VWA8: variants seen among roughly 807,000 people sequenced by gnomAD.
VWA8 encodes the protein von Willebrand factor A domain containing 8, also known as von Willebrand factor A domain-containing protein 8.
In VWA8, 221 loss-of-function variants were observed where a neutral mutation model predicts 241.5. That is an observed-to-expected ratio of 0.91 (90% CI 0.82 to 1.02). The LOEUF (loss-of-function observed/expected upper bound fraction) is 1.02. VWA8 is among the 50% of genes least tolerant of loss of function. The pLI is 0.00. For synonymous variants in VWA8, 852 were observed against 827.1 expected (o/e 1.03, Z -0.52); for missense variants, 2,322 against 2,328.7 (o/e 1.00, Z 0.06).
At chr13:41,891,682 G>A in intron 4 of VWA8, 95 bp from the exon 5 acceptor site, 2 of 1,311,854 alleles carry the variant, frequency 1.5e-6, no homozygotes, top group South Asian at 1.4e-5. Flanking sequence ...TGCAGTTCTT[G>A]TTATAGGGAC....
chr13:41,690,650 C>T (rs947539644), intron 32 of VWA8, among the ~76,000 whole-genome samples: 1 of 151,952 alleles, frequency 6.6e-6, no homozygotes, highest in African/African-American at 2.4e-5. Flanking sequence ...AGATAGATGC[C>T]CTCACAACTG....
At chr13:41,923,224 G>A (rs188674566) in intron 2 of VWA8, among the ~76,000 whole-genome samples, 2,573 of 152,160 alleles carry the variant, frequency 0.017, 28 homozygotes, top group Middle Eastern at 0.058. Flanking sequence ...TCATAGGTGG[G>A]AAATTAACAA....
intron 2 of VWA8, among the ~76,000 whole-genome samples, chr13:41,922,328 A>T (rs1185572856): frequency 6.6e-6 from 1 of 152,232 alleles, no homozygotes; most frequent in East Asian, 1.9e-4. Flanking sequence ...AACCATAAAA[A>T]CCCTAGAAGA....
chr13:41,800,441 AT>A (rs1215174945), intron 17 of VWA8, among the ~76,000 whole-genome samples: 4 of 152,084 alleles, frequency 2.6e-5, no homozygotes, highest in African/African-American at 9.7e-5. Context: ...AGCTCATTCT[AT>A]TTTGTTCATG....
chr13:41,872,653 T>C (rs1486559678), intron 9 of VWA8, among the ~76,000 whole-genome samples: 1 of 152,154 alleles, frequency 6.6e-6, no homozygotes, highest in Non-Finnish European at 1.5e-5. Flanking sequence ...TCTGTTCTGT[T>C]CCATTGATCT....
chr13:41,666,008 C>A (rs1050080043), intron 37 of VWA8, among the ~76,000 whole-genome samples: 1 of 152,050 alleles, frequency 6.6e-6, no homozygotes, highest in Non-Finnish European at 1.5e-5. Context: ...ACCTCACAGC[C>A]TCCCTAAAAT....
intron 37 of VWA8, among the ~76,000 whole-genome samples, chr13:41,655,729 T>C (rs1030531649): frequency 1.3e-5 from 2 of 152,160 alleles, no homozygotes; most frequent in African/African-American, 4.8e-5. Flanking sequence ...TCCTCAGAGG[T>C]TGAAGAATCA....
At chr13:41,787,036 T>G (rs1256162853) in intron 18 of VWA8, among the ~76,000 whole-genome samples, 1 of 150,970 alleles carries the variant, frequency 6.6e-6, no homozygotes, top group Non-Finnish European at 1.5e-5. Flanking sequence ...CTCCAACATA[T>G]CTTATAGGAC....
chr13:41,674,176 T>C (rs1413726056), intron 36 of VWA8, among the ~76,000 whole-genome samples: 3 of 152,198 alleles, frequency 2.0e-5, no homozygotes, highest in Non-Finnish European at 4.4e-5. Context: ...ATTTTTTTAA[T>C]CTGATTAAAG....
chr13:41,843,133 A>T (rs765837299), intron 12 of VWA8, among the ~76,000 whole-genome samples: 1 of 152,250 alleles, frequency 6.6e-6, no homozygotes, highest in African/African-American at 2.4e-5. Context: ...CAACTTGTTA[A>T]AGATTGTAAA....
intron 4 of VWA8, among the ~76,000 whole-genome samples, chr13:41,906,666 T>C (rs1875735064): frequency 6.6e-6 from 1 of 152,176 alleles, no homozygotes; most frequent in African/African-American, 2.4e-5. Context: ...CTTGTACATA[T>C]AACTTTTCAT....
At position 41,829,545 on chromosome 13, in the gene VWA8, ACACACACACACACACACACACATG is replaced by A. The variant is rs1450574699; in HGVS notation, c.1700+960_1700+983del. On this transcript the variant is annotated intron_variant, in intron 14 of 44. Transcript: ENST00000379310. ...GGAAATGTGATACACACACACACAC[ACACACACACACACACACACACATG>A]CACACACACACACACCATGGAATAC... Among the ~76,000 whole-genome samples the A allele has an allele frequency of 2.4e-4, 34 of 140,918 alleles. No homozygotes were observed. The South Asian group carries it at 5.9e-3, about 24-fold the overall frequency. The allele number at this position is 140,918 out of a possible 152,430, so 92.4% of individuals were successfully genotyped here. A position where few individuals can be genotyped will look rare whatever the true frequency, so the allele number is the denominator to read the frequency against.
chr13:41,865,962 C>G lies in VWA8; in HGVS notation c.1287G>C (p.Gln429His), dbSNP rs1566486494. 1 of 1,614,090 alleles carries G rather than the reference C, an allele frequency of 6.2e-7. No individual in the cohort carries two copies. The highest frequency in any genetic ancestry group is 8.5e-7 in the Non-Finnish European group (1 of 1,180,046). Residue 429 changes from glutamine (Q) to histidine (H), a missense_variant, in exon 11 of 45, where the codon CAG becomes CAC. Gln to His is a conservative substitution (Grantham distance 24). Coordinates refer to ENST00000379310, the MANE Select transcript of VWA8 (RefSeq NM_015058.2). Reference sequence around the variant, plus strand: ...GAGACTGCATCATTTCAGCCTGTAGCTGCTTATGGCTCAAAGTCTGTATGA... The same window carrying G: ...GAGACTGCATCATTTCAGCCTGTAGGTGCTTATGGCTCAAAGTCTGTATGA... ...DRFIQTLSHK[Q>H]LQAEMMQSHM...
rs927244379 is a variant in VWA8, at chr13:41,846,639, T to C, written c.1426-13108A>G. ...AGTGATATGACAATGCTGCACACAA[T>C]TAAATGACAGAAAATTCCTATCTTA... On this transcript the variant is annotated intron_variant, in intron 12 of 44. Transcript: ENST00000379310. Among the ~76,000 whole-genome samples, 3 of 152,150 alleles carry C rather than the reference T, an allele frequency of 2.0e-5. No homozygotes were observed. The South Asian group carries it at 6.2e-4, about 32-fold the overall frequency.
intron 42 of VWA8, among the ~76,000 whole-genome samples, chr13:41,585,853 G>A (rs1294565017): frequency 7.6e-6 from 1 of 132,334 alleles, no homozygotes; most frequent in Admixed American, 8.7e-5. Flanking sequence ...GACAGAGTGA[G>A]ACACCGTCTT....
chr13:41,886,908 T>C, intron 6 of VWA8, 78 bp from the exon 7 acceptor site: 1 of 1,145,672 alleles, frequency 8.7e-7, no homozygotes, highest in Non-Finnish European at 1.2e-6. Flanking sequence ...GTAGATACAA[T>C]CCAACCTTTT....
At chr13:41,830,493 A>T (rs771689033) in intron 14 of VWA8, 36 bp downstream of exon 14, 12 of 1,495,170 alleles carry the variant, frequency 8.0e-6, no homozygotes, top group Non-Finnish European at 8.3e-6. Context: ...TAACTTAACA[A>T]TAAATTAGCA....
chr13:41,840,359 C>T (rs975555150), intron 12 of VWA8, among the ~76,000 whole-genome samples: 6 of 151,794 alleles, frequency 4.0e-5, no homozygotes, highest in African/African-American at 1.5e-4. Context: ...AAATACCTAA[C>T]GTAGGTGACG....
chr13:41,822,098 T>A (rs1016220568), intron 14 of VWA8, among the ~76,000 whole-genome samples: 1 of 152,176 alleles, frequency 6.6e-6, no homozygotes, highest in Non-Finnish European at 1.5e-5. Context: ...GATGGTTTCA[T>A]GGGTATTTAT....
Sources: allele counts gnomAD v4.1 joint callset (sites outside exome capture counted in the v4.1 genomes callset), GRCh38; gene constraint gnomAD v4.1.1; transcripts MANE v1.5; gene names NCBI Gene and HGNC (gene_info 2026-07-23, HGNC 2026-07-21).